The following ATM variants were observed in gnomAD, a reference collection of about 807,000 sequenced individuals.
The protein encoded by ATM is ATM serine/threonine kinase.
ATM carries 308 observed loss-of-function variants against 387.0 expected under a neutral mutation model. That is an observed-to-expected ratio of 0.80 (90% CI 0.73 to 0.87). The LOEUF (loss-of-function observed/expected upper bound fraction) is 0.87. Ranked by LOEUF, ATM falls within the 40% of genes least tolerant of loss-of-function variation. ATM has a pLI of 0.00. For synonymous variants in ATM, 1,156 were observed against 1,187.3 expected (o/e 0.97, Z 0.54); for missense variants, 3,312 against 3,560.9 (o/e 0.93, Z 1.78).
rs1800060 is a variant in ATM at position 108,317,409 on chromosome 11, G to A, written c.6235G>A (p.Val2079Ile). ...TTTGGGACTCTGCCATATTCTTTCC[G>A]TCTATTTAAAAGGATTGGATTATGA... ...QNLGLCHILS[V>I]YLKGLDYENK... The change falls in exon 43 of 63, where the codon GTC (valine) becomes ATC (isoleucine). Residue 2079 changes from valine to isoleucine, a missense_variant. This residue lies in a region of ATM where 1,405 missense variants were observed against 1,604.4 expected (regional missense o/e 0.88). Coordinates refer to ENST00000675843, the MANE Select transcript of ATM (RefSeq NM_000051.4). 2,761 of 1,611,760 alleles carry A rather than the reference G, an allele frequency of 1.7e-3. 16 individuals carry two copies. In the African/African-American group the frequency reaches 0.018, roughly 10 times the overall value.
At chr11:108,354,661 A>G in intron 60 of ATM, 150 bp from the exon 61 acceptor site, 1 of 758,328 alleles carries the variant, frequency 1.3e-6, no homozygotes, top group South Asian at 1.5e-5. Flanking sequence ...ATGAAAGCCC[A>G]CTCTGCCAAG....
chr11:108,368,455 TCTTTA>T lies in ATM; in HGVS notation c.*2952_*2956del. Reference sequence around the variant, plus strand: ...CCCATATTATGTACAGCATTTCTGATCTTTACTTTGCAAGATTAGTGATACTATCC... The same window carrying T: ...CCCATATTATGTACAGCATTTCTGATCTTTGCAAGATTAGTGATACTATCC... On this transcript the variant is annotated 3_prime_UTR_variant, in exon 63 of 63. Transcript: ENST00000675843. 1 of 213,500 alleles carries T rather than the reference TCTTTA, an allele frequency of 4.7e-6. No homozygotes were observed. The highest frequency in any genetic ancestry group is 9.5e-6 in the Non-Finnish European group (1 of 105,548). The allele number at this position is 213,500 out of a possible 1,614,324, so 13.2% of individuals were successfully genotyped here.
chr11:108,341,614 A>T (rs1253629516), intron 56 of ATM, among the ~76,000 whole-genome samples: 1 of 152,224 alleles, frequency 6.6e-6, no homozygotes, highest in East Asian at 1.9e-4. Flanking sequence ...TTAAAAATGT[A>T]TAGAACTAAA....
chr11:108,319,863 TA>T, intron 43 of ATM, 90 bp from the exon 44 acceptor site: 1 of 894,700 alleles, frequency 1.1e-6, no homozygotes, highest in Non-Finnish European at 1.8e-6. Flanking sequence ...AATGTTAATT[TA>T]AAAATTTTGT....
intron 15 of ATM, among the ~76,000 whole-genome samples, chr11:108,258,503 C>T (rs1259796831): frequency 2.0e-5 from 3 of 152,186 alleles, no homozygotes; most frequent in Non-Finnish European, 4.4e-5. Context: ...GATCACCTTA[C>T]ATAACATTTG....
At chr11:108,359,512 C>T (rs568849417) in intron 61 of ATM, among the ~76,000 whole-genome samples, 8,552 of 151,884 alleles carry the variant, frequency 0.056, 772 homozygotes, top group African/African-American at 0.19. Flanking sequence ...AGCACCACAC[C>T]ACACCTATTC....
intron 38 of ATM, chr11:108,308,586 A>C (rs2083874294): frequency 5.2e-6 from 1 of 193,980 alleles, no homozygotes. Flanking sequence ...GTACTGCTTG[A>C]GAGTTGACCA....
intron 37 of ATM, among the ~76,000 whole-genome samples, chr11:108,307,067 A>G (rs780685805): frequency 2.6e-5 from 4 of 151,494 alleles, no homozygotes; most frequent in Non-Finnish European, 4.4e-5. Context: ...AGATATTATT[A>G]TTATTGCCTG....
intron 16 of ATM, among the ~76,000 whole-genome samples, chr11:108,259,533 A>G (rs1306812549): frequency 6.6e-6 from 1 of 152,164 alleles, no homozygotes; most frequent in South Asian, 2.1e-4. Context: ...AAATTAAATA[A>G]TTTGTCTTGT....
At position 108,365,169 on chromosome 11, in the gene ATM, C is replaced by G. The variant is rs786203721; in HGVS notation, c.8938C>G (p.Leu2980Val). 6.2e-7 allele frequency: 1 copy of G among 1,614,222 alleles called. No homozygotes were observed. The highest frequency in any genetic ancestry group is 1.3e-5 in the African/African-American group (1 of 75,056). ...LQQRPEDETE[L>V]HPTLNADDQE... ...GCAGAGGCCGGAAGATGAAACTGAG[C>G]TTCACCCTACTCTGAATGCAGATGA... The change falls in exon 62 of 63, where the codon CTT (leucine) becomes GTT (valine). Residue 2980 changes from leucine to valine, a missense_variant. Physicochemically the swap from Leu to Val is conservative, Grantham distance 32. Around this residue, in one of 4 missense-constraint regions of ATM, gnomAD observed 95 missense variants for 100.3 expected, o/e 0.95. Transcript: ENST00000675843.
chr11:108,299,639 T>A (rs1565473249), intron 33 of ATM, 75 bp from the exon 34 acceptor site: 1 of 1,443,902 alleles, frequency 6.9e-7, no homozygotes, highest in Non-Finnish European at 9.7e-7. Flanking sequence ...CATTATAGTT[T>A]TGAAATTAGA....
intron 12 of ATM, among the ~76,000 whole-genome samples, chr11:108,253,163 TG>T (rs2080245645): frequency 6.6e-6 from 1 of 152,194 alleles, no homozygotes; most frequent in Admixed American, 6.5e-5. Flanking sequence ...TGAGAAAAAC[TG>T]AATGGTTATG....
At chr11:108,245,304 A>C (rs1376036437) in intron 7 of ATM, among the ~76,000 whole-genome samples, 1 of 152,224 alleles carries the variant, frequency 6.6e-6, no homozygotes, top group Non-Finnish European at 1.5e-5. Context: ...CTACTTATGC[A>C]TCAATACTTA....
rs535930374 is a variant in ATM at position 108,322,747 on chromosome 11, A to G, written c.6572+1327A>G. On this transcript the variant is annotated intron_variant, in intron 45 of 62. Coordinates refer to ENST00000675843, the MANE Select transcript of ATM (RefSeq NM_000051.4). ...TTCAAGTTTAAAAAATTCAGCTTAAAAGTGCTTTTCTCTTTATAACTTTTT... is the reference window on the plus strand; with the variant it reads ...TTCAAGTTTAAAAAATTCAGCTTAAGAGTGCTTTTCTCTTTATAACTTTTT... Among the ~76,000 whole-genome samples the G allele has an allele frequency of 2.8e-4, 43 of 152,172 alleles. No homozygotes were observed. In the East Asian group the frequency reaches 7.7e-3, roughly 27 times the overall value.
intron 50 of ATM, 50 bp downstream of exon 50, chr11:108,330,471 C>G (rs1591162345): frequency 6.4e-7 from 1 of 1,574,458 alleles, no homozygotes; most frequent in Non-Finnish European, 8.7e-7. Flanking sequence ...AAAACTTAGA[C>G]ATAAGCCCCT....
chr11:108,358,563 C>G (rs1477241888), intron 61 of ATM, among the ~76,000 whole-genome samples: 2 of 124,410 alleles, frequency 1.6e-5, no homozygotes, highest in East Asian at 2.2e-4. Context: ...GGGTTACCCT[C>G]AAAGGGAAGC....
rs141329176 is a variant in ATM at position 108,292,743 on chromosome 11, G to C, written c.4561G>C (p.Val1521Leu). Residue 1521 changes from valine (V) to leucine (L), a missense_variant, in exon 30 of 63, where the codon GTT becomes CTT. Around this residue, in one of 4 missense-constraint regions of ATM, gnomAD observed 1,791 missense variants for 1,804.5 expected, o/e 0.99. Coordinates refer to ENST00000675843, the MANE Select transcript of ATM (RefSeq NM_000051.4). ...DALENHLHVI[V>L]GTLIPLVYEQ... ...TCTAGAAAACCATCTTCATGTTATT[G>C]TTGGTACACTTATACCCCTTGTGTA... The C allele has an allele frequency of 2.2e-5, 35 of 1,613,876 alleles. No individual in the cohort carries two copies. Among genetic ancestry groups the C allele is most frequent in the Non-Finnish European group, 2.8e-5 (33 of 1,179,964 alleles).
In ATM at chr11:108,365,597, G is replaced by A; in HGVS notation, c.*89G>A. 1 of 1,446,898 alleles carries A rather than the reference G, an allele frequency of 6.9e-7. No individual in the cohort carries two copies. The highest frequency in any genetic ancestry group is 9.4e-7 in the Non-Finnish European group (1 of 1,062,288). 89.6% of individuals were successfully genotyped at this position (1,446,898 alleles called of 1,614,324 possible). ...AACCTGCCAACATACTTTAAGTAGG[G>A]ATTAATATTTAAGTGAACTATTGTG... is the stretch of plus-strand genomic sequence containing the variant. On this transcript the variant is annotated 3_prime_UTR_variant, in exon 63 of 63. Coordinates refer to ENST00000675843, the MANE Select transcript of ATM (RefSeq NM_000051.4).
At chr11:108,277,201 C>T (rs529768510) in intron 22 of ATM, among the ~76,000 whole-genome samples, 2 of 152,232 alleles carry the variant, frequency 1.3e-5, no homozygotes, top group East Asian at 3.9e-4. Flanking sequence ...TCAGTAATTG[C>T]AGACGCCCCT....
Sources: gnomAD v4.1 joint callset for allele counts (sites outside exome capture counted in the v4.1 genomes callset) on GRCh38, gnomAD v4.1.1 for gene constraint, gnomAD v4.1.1 regional missense constraint, MANE v1.5 for transcripts, NCBI Gene and HGNC (gene_info 2026-07-23, HGNC 2026-07-21) for gene names.